ST8SIA1: variants seen among roughly 807,000 people sequenced by gnomAD.
ST8SIA1 encodes alpha-N-acetylneuraminide alpha-2,8-sialyltransferase.
In ST8SIA1, 16 loss-of-function variants were observed where a neutral mutation model predicts 35.9. That is an observed-to-expected ratio of 0.45 (90% CI 0.30 to 0.68). The LOEUF (loss-of-function observed/expected upper bound fraction) is 0.68. Ranked by LOEUF, ST8SIA1 falls within the 30% of genes least tolerant of loss-of-function variation. The pLI, the probability that ST8SIA1 is intolerant of heterozygous loss-of-function variation, is 0.09. For synonymous variants in ST8SIA1, 170 were observed against 169.6 expected (o/e 1.00, Z -0.02); for missense variants, 383 against 453.6 (o/e 0.84, Z 1.41).
chr12:22,209,749 T>C (rs976714568), intron 4 of ST8SIA1, among the ~76,000 whole-genome samples: 1 of 152,122 alleles, frequency 6.6e-6, no homozygotes, highest in African/African-American at 2.4e-5. Flanking sequence ...TTTCTGTATG[T>C]TTTTTTACAA....
intron 4 of ST8SIA1, among the ~76,000 whole-genome samples, chr12:22,224,808 A>T (rs1387172517): frequency 1.3e-5 from 2 of 152,138 alleles, no homozygotes; most frequent in African/African-American, 2.4e-5. Flanking sequence ...TCTTGGGTCA[A>T]ATCCTTGTAC....
In ST8SIA1 at chr12:22,308,079, C is replaced by T. The variant is rs377620152; in HGVS notation, c.237-20786G>A. On this transcript the variant is annotated intron_variant, in intron 1 of 4. Transcript: ENST00000396037. Reference sequence around the variant, plus strand: ...TAACTGGGACTACAGGCATGTGCCACCACACCCAGATTACCAAGTAAATTT... The same window carrying T: ...TAACTGGGACTACAGGCATGTGCCATCACACCCAGATTACCAAGTAAATTT... Among the ~76,000 whole-genome samples, 37 of 152,256 alleles carry T rather than the reference C, an allele frequency of 2.4e-4. No homozygotes were observed. The East Asian group carries it at 3.1e-3, about 13-fold the overall frequency.
intron 4 of ST8SIA1, among the ~76,000 whole-genome samples, chr12:22,229,738 T>C (rs910257786): frequency 6.6e-6 from 1 of 152,104 alleles, no homozygotes; most frequent in Non-Finnish European, 1.5e-5. Flanking sequence ...AGAAAAATTA[T>C]TCACTTTAAG....
intron 1 of ST8SIA1, among the ~76,000 whole-genome samples, chr12:22,294,843 A>C (rs1866223920): frequency 1.3e-5 from 2 of 152,238 alleles, no homozygotes; most frequent in South Asian, 4.1e-4. Flanking sequence ...GTTTCTAGGA[A>C]GGATTTCAAT....
rs1478382969 is a variant in ST8SIA1, at chr12:22,197,451, A to G, written c.*4101T>C. 1 of 152,196 alleles carries G rather than the reference A, an allele frequency of 6.6e-6. No individual in the cohort carries two copies. The highest frequency in any genetic ancestry group is 1.5e-5 in the Non-Finnish European group (1 of 68,030). The allele number at this position is 152,196 out of a possible 1,614,324, so 9.4% of individuals were successfully genotyped here. On this transcript the variant is annotated 3_prime_UTR_variant, in exon 5 of 5. Transcript: ENST00000396037. ...CAAGTATTTGTCAGTGAAAAATTTC[A>G]CAAAGTCAATATTTCAACCACAGAA...
At chr12:22,311,055 AC>A (rs1454114068) in intron 1 of ST8SIA1, among the ~76,000 whole-genome samples, 3 of 152,176 alleles carry the variant, frequency 2.0e-5, no homozygotes, top group Non-Finnish European at 4.4e-5. Flanking sequence ...TGTGCTCAAA[AC>A]TGCAGGTCAC....
intron 4 of ST8SIA1, among the ~76,000 whole-genome samples, chr12:22,247,145 C>T (rs914149485): frequency 1.6e-4 from 23 of 148,296 alleles, no homozygotes; most frequent in African/African-American, 2.5e-5. Context: ...TTCCCTCCCT[C>T]TCTCCCTCAG....
At chr12:22,239,396 G>A (rs1456032474) in intron 4 of ST8SIA1, among the ~76,000 whole-genome samples, 1 of 151,936 alleles carries the variant, frequency 6.6e-6, no homozygotes, top group Non-Finnish European at 1.5e-5. Flanking sequence ...TCATTATCTG[G>A]AAAATTATTT....
chr12:22,286,598 C>A, intron 2 of ST8SIA1: 2 of 479,962 alleles, frequency 4.2e-6, no homozygotes, highest in South Asian at 1.6e-5. Context: ...TATTTCAATG[C>A]CCAGAAAACC....
At chr12:22,249,967 G>A (rs889201629) in intron 3 of ST8SIA1, among the ~76,000 whole-genome samples, 1 of 152,066 alleles carries the variant, frequency 6.6e-6, no homozygotes, top group African/African-American at 2.4e-5. Context: ...TGTGTGTGTG[G>A]CCAATGGGTA....
At chr12:22,283,558 C>T (rs757458991) in intron 2 of ST8SIA1, among the ~76,000 whole-genome samples, 16 of 152,180 alleles carry the variant, frequency 1.1e-4, no homozygotes, top group Admixed American at 4.6e-4. Flanking sequence ...AATACAAACA[C>T]GCACACATAC....
intron 2 of ST8SIA1, among the ~76,000 whole-genome samples, chr12:22,261,835 T>C (rs1281101362): frequency 6.6e-6 from 1 of 152,110 alleles, no homozygotes; most frequent in Admixed American, 6.6e-5. Flanking sequence ...AATACCTAAC[T>C]TCCCTGTTCA....
At chr12:22,303,123 G>T (rs769996563) in intron 1 of ST8SIA1, among the ~76,000 whole-genome samples, 21 of 152,074 alleles carry the variant, frequency 1.4e-4, no homozygotes, top group Non-Finnish European at 2.8e-4. Flanking sequence ...TCACATTTTG[G>T]TAACCACAAA....
At chr12:22,310,741 G>C (rs1264748380) in intron 1 of ST8SIA1, among the ~76,000 whole-genome samples, 1 of 152,054 alleles carries the variant, frequency 6.6e-6, no homozygotes, top group African/African-American at 2.4e-5. Context: ...ACACTCACTA[G>C]ATAGCATGTC....
At position 22,297,525 on chromosome 12, in the gene ST8SIA1, G is replaced by A; in HGVS notation, c.237-10232C>T. Among the ~76,000 whole-genome samples, 2 of 152,010 alleles carry A rather than the reference G, an allele frequency of 1.3e-5. 1 individual carries two copies. Among genetic ancestry groups the A allele is most frequent in the East Asian group, 3.9e-4 (2 of 5,180 alleles). The stretch of plus-strand genomic sequence containing the variant: ...GTGCTATGAACCATTTTCACAGAAT[G>A]GAATTCCGTGTAAACACAAGTCAAA... On this transcript the variant is annotated intron_variant, in intron 1 of 4. Transcript: ENST00000396037.
At chr12:22,269,622 A>G (rs1368927884) in intron 2 of ST8SIA1, among the ~76,000 whole-genome samples, 1 of 152,222 alleles carries the variant, frequency 6.6e-6, no homozygotes, top group Non-Finnish European at 1.5e-5. Context: ...TTTCACTATG[A>G]TAAACAATAC....
intron 1 of ST8SIA1, among the ~76,000 whole-genome samples, chr12:22,296,818 T>G (rs967107454): frequency 1.2e-4 from 18 of 152,072 alleles, no homozygotes; most frequent in Admixed American, 1.2e-3. Context: ...GAGGCAGTAG[T>G]TGGGCAGTCA....
intron 3 of ST8SIA1, among the ~76,000 whole-genome samples, chr12:22,251,625 A>C (rs1865671550): frequency 1.3e-5 from 2 of 152,206 alleles, no homozygotes; most frequent in Non-Finnish European, 2.9e-5. Flanking sequence ...ATGTACACAA[A>C]AGGCACATTT....
Position 22,200,846 on chromosome 12 carries a change from G to C in ST8SIA1, c.*706C>G, listed in dbSNP as rs1313163180. ...ATTCTGAGGAAGGAAAGTGGCTCCTGTTATCCAGACTATGAAGCAACACAG... is the reference window on the plus strand; with the variant it reads ...ATTCTGAGGAAGGAAAGTGGCTCCTCTTATCCAGACTATGAAGCAACACAG... On this transcript the variant is annotated 3_prime_UTR_variant, in exon 5 of 5. Transcript: ENST00000396037. 1 of 152,070 alleles carries C rather than the reference G, an allele frequency of 6.6e-6. No individual in the cohort carries two copies. The highest frequency in any genetic ancestry group is 2.4e-5 in the African/African-American group (1 of 41,418). 9.4% of individuals were successfully genotyped at this position (152,070 alleles called of 1,614,324 possible). A position where few individuals can be genotyped will look rare whatever the true frequency, so the allele number is the denominator to read the frequency against.
Sources: allele counts gnomAD v4.1 joint callset (sites outside exome capture counted in the v4.1 genomes callset), GRCh38; gene constraint gnomAD v4.1.1; transcripts MANE v1.5; gene names NCBI Gene and HGNC (gene_info 2026-07-23, HGNC 2026-07-21).